NOS1AP: variants seen among roughly 807,000 people sequenced by gnomAD.
NOS1AP encodes the protein carboxyl-terminal PDZ ligand of neuronal nitric oxide synthase protein.
NOS1AP carries 21 observed loss-of-function variants against 56.2 expected under a neutral mutation model. The observed-to-expected ratio is 0.37, with a 90% CI of 0.26 to 0.54. The LOEUF (loss-of-function observed/expected upper bound fraction) is 0.54. Ranked by LOEUF, NOS1AP falls within the 20% of genes least tolerant of loss-of-function variation. NOS1AP has a pLI of 0.84. For synonymous variants in NOS1AP, 270 were observed against 274.6 expected (o/e 0.98, Z 0.17); for missense variants, 522 against 657.8 (o/e 0.79, Z 2.26).
intron 1 of NOS1AP, among the ~76,000 whole-genome samples, chr1:162,088,811 G>C (rs2102020949): frequency 6.6e-6 from 1 of 152,292 alleles, no homozygotes; most frequent in Non-Finnish European, 1.5e-5. Context: ...ACTGCTAGCT[G>C]TGTGTCCAGA....
chr1:162,346,290 G>A (rs148897903), intron 6 of NOS1AP, among the ~76,000 whole-genome samples: 13 of 152,188 alleles, frequency 8.5e-5, no homozygotes, highest in African/African-American at 3.1e-4. Context: ...CAGCAAGAGG[G>A]AACTTTTAAA....
chr1:162,131,097 T>C (rs1337462885), intron 1 of NOS1AP, among the ~76,000 whole-genome samples: 1 of 152,100 alleles, frequency 6.6e-6, no homozygotes, highest in African/African-American at 2.4e-5. Context: ...CCAGTGAATA[T>C]AGTGAAAAGC....
Position 162,273,338 on chromosome 1 carries a change from T to C in NOS1AP, c.178-14006T>C, listed in dbSNP as rs1248652253. ...GCCACCACACCCGGCTAATTTTTTT[T>C]GTATTTTTAGTAGAGACAGGGTTTC... On this transcript the variant is annotated intron_variant, in intron 2 of 9. Transcript: ENST00000361897. Among the ~76,000 whole-genome samples, 3 of 152,052 alleles carry C rather than the reference T, an allele frequency of 2.0e-5. No individual in the cohort carries two copies. In the East Asian group the frequency reaches 5.8e-4, roughly 29 times the overall value.
intron 1 of NOS1AP, among the ~76,000 whole-genome samples, chr1:162,133,954 T>C (rs1180781564): frequency 6.6e-6 from 1 of 152,156 alleles, no homozygotes; most frequent in Non-Finnish European, 1.5e-5. Flanking sequence ...TCCTGCCCCA[T>C]GAACTTGATG....
chr1:162,361,767 GTCT>G (rs942059429), intron 8 of NOS1AP, among the ~76,000 whole-genome samples: 8 of 152,208 alleles, frequency 5.3e-5, no homozygotes, highest in African/African-American at 1.4e-4. Flanking sequence ...TGAGTCAAAG[GTCT>G]TCTTCTAGGT....
intron 3 of NOS1AP, among the ~76,000 whole-genome samples, chr1:162,297,770 C>T (rs536282041): frequency 8.5e-5 from 13 of 152,228 alleles, no homozygotes; most frequent in Admixed American, 2.6e-4. Flanking sequence ...CAAGTAGATG[C>T]ACTTTACCCT....
chr1:162,117,554 A>G (rs1648017748), intron 1 of NOS1AP, among the ~76,000 whole-genome samples: 1 of 151,492 alleles, frequency 6.6e-6, no homozygotes, highest in African/African-American at 2.5e-5. Context: ...GACTCCCAGG[A>G]CTTCCTGCTA....
chr1:162,359,507 G>A (rs540248019), intron 8 of NOS1AP, among the ~76,000 whole-genome samples: 2 of 152,258 alleles, frequency 1.3e-5, no homozygotes, highest in African/African-American at 2.4e-5. Flanking sequence ...AGACGGATTC[G>A]GTCCTAAACT....
At chr1:162,076,256 C>T (rs1691765508) in intron 1 of NOS1AP, among the ~76,000 whole-genome samples, 1 of 152,186 alleles carries the variant, frequency 6.6e-6, no homozygotes, top group Non-Finnish European at 1.5e-5. Flanking sequence ...TGGGACCATG[C>T]CCATGGCCGT....
intron 9 of NOS1AP, 78 bp downstream of exon 9, chr1:162,365,647 G>A (rs2101830889): frequency 6.3e-7 from 1 of 1,577,004 alleles, no homozygotes; most frequent in East Asian, 2.3e-5. Flanking sequence ...AGTTTTTGGT[G>A]GTGCTTTCTT....
intron 1 of NOS1AP, among the ~76,000 whole-genome samples, chr1:162,073,670 A>G (rs1261135112): frequency 6.6e-6 from 1 of 152,186 alleles, no homozygotes; most frequent in African/African-American, 2.4e-5. Flanking sequence ...CGTTTTGGTC[A>G]GGCTGGCCTC....
intron 5 of NOS1AP, among the ~76,000 whole-genome samples, chr1:162,341,175 C>T (rs772145451): frequency 6.6e-6 from 1 of 152,150 alleles, no homozygotes; most frequent in Non-Finnish European, 1.5e-5. Flanking sequence ...GTTTGAGGAT[C>T]TTTAAATTTT....
At chr1:162,108,569 T>C (rs1647597182) in intron 1 of NOS1AP, among the ~76,000 whole-genome samples, 1 of 152,040 alleles carries the variant, frequency 6.6e-6, no homozygotes, top group Non-Finnish European at 1.5e-5. Flanking sequence ...ACAGGAGAGA[T>C]GAAGAGGGAA....
intron 2 of NOS1AP, among the ~76,000 whole-genome samples, chr1:162,217,410 T>C (rs1652617610): frequency 6.6e-6 from 1 of 151,798 alleles, no homozygotes; most frequent in Non-Finnish European, 1.5e-5. Flanking sequence ...ATTACAGGCA[T>C]GAGCCACCAC....
chr1:162,168,997 A>G (rs1161987767), intron 2 of NOS1AP, among the ~76,000 whole-genome samples: 2 of 152,192 alleles, frequency 1.3e-5, no homozygotes, highest in East Asian at 3.8e-4. Flanking sequence ...TCAGAGAGCC[A>G]TGCTGGGAAA....
Position 162,182,449 on chromosome 1 carries a change from C to G in NOS1AP, c.177+27973C>G, listed in dbSNP as rs567875283. ...TACTGACTGACCAGGGTGCTGGATG[C>G]TGAAGGTAGAGGTGGCTGTGTCAAT... On this transcript the variant is annotated intron_variant, in intron 2 of 9. Transcript: ENST00000361897. 7.9e-5 allele frequency among the ~76,000 whole-genome samples: 12 copies of G among 152,300 alleles called. No individual in the cohort carries two copies. The South Asian group carries it at 2.5e-3, about 32-fold the overall frequency.
At chr1:162,321,608 T>A (rs2101781089) in intron 4 of NOS1AP, among the ~76,000 whole-genome samples, 1 of 151,864 alleles carries the variant, frequency 6.6e-6, no homozygotes, top group East Asian at 1.9e-4. Flanking sequence ...TTAGGAGATA[T>A]ACCTAATGTA....
At chr1:162,130,344 C>T (rs995493769) in intron 1 of NOS1AP, among the ~76,000 whole-genome samples, 1 of 152,190 alleles carries the variant, frequency 6.6e-6, no homozygotes, top group Non-Finnish European at 1.5e-5. Flanking sequence ...CCACAATGCT[C>T]AATAACAAAT....
intron 2 of NOS1AP, among the ~76,000 whole-genome samples, chr1:162,264,469 C>CCCTCCCCTGTCCTCCCCTCCCCTGT (rs1553200314): frequency 3.1e-5 from 1 of 31,848 alleles, no homozygotes; most frequent in Non-Finnish European, 4.6e-5. Context: ...TCTTCTCCTC[C>CCCTCCCCTGTCCTCCCCTCCCCTGT]CCTCCCCTCC....
Sources: gnomAD v4.1 joint callset for allele counts (sites outside exome capture counted in the v4.1 genomes callset) on GRCh38, gnomAD v4.1.1 for gene constraint, MANE v1.5 for transcripts, NCBI Gene and HGNC (gene_info 2026-07-23, HGNC 2026-07-21) for gene names.